The following NTNG1 variants were observed in gnomAD, a reference collection of about 807,000 sequenced individuals.
NTNG1 encodes the protein netrin-G1.
In NTNG1, 16 loss-of-function variants were observed where a neutral mutation model predicts 54.0. That is an observed-to-expected ratio of 0.30 (90% CI 0.20 to 0.45). NTNG1 has a LOEUF of 0.45. NTNG1 is among the 20% of genes least tolerant of loss of function. The pLI is 1.00. For missense variants in NTNG1, 530 were observed against 678.7 expected, an observed-to-expected ratio of 0.78 and a Z score of 2.43; for synonymous variants, 255 against 263.1, an observed-to-expected ratio of 0.97 and a Z score of 0.30.
chr1:107,469,739 C>A lies in NTNG1; in HGVS notation c.1391-10872C>A, dbSNP rs939618846. Among the ~76,000 whole-genome samples the A allele has an allele frequency of 3.3e-5, 5 of 152,302 alleles. 1 individual carries two copies. The East Asian group carries it at 9.7e-4, about 29-fold the overall frequency. Reference sequence around the variant, plus strand: ...AAAGTGCTGGGATTACAGGCGTGAGCCACCACGCCTAGCTTATTTGTTTAT... The same window carrying A: ...AAAGTGCTGGGATTACAGGCGTGAGACACCACGCCTAGCTTATTTGTTTAT... On this transcript the variant is annotated intron_variant, in intron 7 of 7. Coordinates refer to ENST00000370068, the MANE Select transcript of NTNG1 (RefSeq NM_001113226.3).
chr1:107,379,439 T>A (rs558499716), intron 3 of NTNG1, among the ~76,000 whole-genome samples: 28 of 152,264 alleles, frequency 1.8e-4, no homozygotes, highest in African/African-American at 6.7e-4. Flanking sequence ...AGTTTAAAAT[T>A]GTGTCCAAAC....
intron 2 of NTNG1, among the ~76,000 whole-genome samples, chr1:107,196,872 C>T (rs1202988155): frequency 6.6e-6 from 1 of 151,726 alleles, no homozygotes; most frequent in African/African-American, 2.4e-5. Flanking sequence ...CAAATATCAG[C>T]TCTAATGTCA....
At chr1:107,184,436 C>G (rs550176693) in intron 2 of NTNG1, among the ~76,000 whole-genome samples, 1 of 152,170 alleles carries the variant, frequency 6.6e-6, no homozygotes, top group South Asian at 2.1e-4. Context: ...AGTAAATGGC[C>G]GGTTGTTGCC....
At chr1:107,407,839 A>G in intron 5 of NTNG1, 131 bp downstream of exon 5, 1 of 833,130 alleles carries the variant, frequency 1.2e-6, no homozygotes, top group Non-Finnish European at 2.1e-6. Flanking sequence ...TGTGAATTGC[A>G]TTTTTGTGTT....
intron 3 of NTNG1, among the ~76,000 whole-genome samples, chr1:107,335,180 G>C (rs1668508672): frequency 6.6e-6 from 1 of 151,890 alleles, no homozygotes; most frequent in South Asian, 2.1e-4. Context: ...TCCCTTTCCT[G>C]GATGAAGAGA....
In NTNG1 at chr1:107,481,705, T is replaced by C. The variant is rs1269669840; in HGVS notation, c.*865T>C. ...TGTTTTGTTTCACTGTGCAGAGATT[T>C]CTCTGTAAGGGCAACGAACGTGCTG... On this transcript the variant is annotated 3_prime_UTR_variant, in exon 8 of 8. Coordinates refer to ENST00000370068, the MANE Select transcript of NTNG1 (RefSeq NM_001113226.3). 6.6e-6 allele frequency: 1 copy of C among 152,644 alleles called. No individual in the cohort carries two copies. Among genetic ancestry groups the C allele is most frequent in the Admixed American group, 6.5e-5 (1 of 15,280 alleles). 9.5% of individuals were successfully genotyped at this position (152,644 alleles called of 1,614,324 possible).
At chr1:107,217,303 C>T (rs4372288) in intron 2 of NTNG1, among the ~76,000 whole-genome samples, 130,707 of 152,110 alleles carry the variant, frequency 0.86, 57,787 homozygotes, top group East Asian at 0.99. Flanking sequence ...TTCCATTTCA[C>T]TTCTAATTGA....
intron 3 of NTNG1, among the ~76,000 whole-genome samples, chr1:107,327,359 A>G (rs964213113): frequency 1.3e-5 from 2 of 152,120 alleles, no homozygotes; most frequent in African/African-American, 4.8e-5. Flanking sequence ...GGAGCCAGTG[A>G]AAGGAAATGT....
intron 2 of NTNG1, among the ~76,000 whole-genome samples, chr1:107,162,755 T>G (rs1655503080): frequency 6.6e-6 from 1 of 152,194 alleles, no homozygotes; most frequent in Non-Finnish European, 1.5e-5. Context: ...TTTTAAAATT[T>G]TTAATACTTA....
chr1:107,467,910 C>T lies in NTNG1; in HGVS notation c.1391-12701C>T, dbSNP rs548433041. On this transcript the variant is annotated intron_variant, in intron 7 of 7. Transcript: ENST00000370068. ...CTCCTGTCATCATTTTGCACATTCT[C>T]GTGATTCCATAATGTTGTTTTCCTC... is the stretch of plus-strand genomic sequence containing the variant. Among the ~76,000 whole-genome samples, 20 of 152,298 alleles carry T rather than the reference C, an allele frequency of 1.3e-4. No individual in the cohort carries two copies. In the East Asian group the frequency reaches 3.9e-3, roughly 29 times the overall value.
At chr1:107,245,379 T>C (rs2101595798) in intron 2 of NTNG1, among the ~76,000 whole-genome samples, 1 of 152,340 alleles carries the variant, frequency 6.6e-6, no homozygotes, top group East Asian at 1.9e-4. Context: ...TAAATAGGCA[T>C]TTCCAGCTTC....
In NTNG1 at chr1:107,361,394, T is replaced by A. The variant is rs1489524324; in HGVS notation, c.888-33760T>A. ...ATATACATATATATATATATATATT[T>A]TTTTTTTTTTTTGAGACACAGTTTC... On this transcript the variant is annotated intron_variant, in intron 3 of 7. Coordinates refer to ENST00000370068, the MANE Select transcript of NTNG1 (RefSeq NM_001113226.3). Among the ~76,000 whole-genome samples the A allele has an allele frequency of 1.3e-3, 172 of 135,660 alleles. No individual in the cohort carries two copies. In the East Asian group the frequency reaches 0.014, roughly 11 times the overall value. The allele number at this position is 135,660 out of a possible 152,430, so 89.0% of individuals were successfully genotyped here.
chr1:107,151,036 G>A (rs1430253566), intron 2 of NTNG1, among the ~76,000 whole-genome samples: 1 of 152,168 alleles, frequency 6.6e-6, no homozygotes, highest in African/African-American at 2.4e-5. Context: ...GGAAGCCCTG[G>A]TGGATGTAAA....
chr1:107,288,046 A>C (rs754601059), intron 2 of NTNG1, among the ~76,000 whole-genome samples: 2 of 152,150 alleles, frequency 1.3e-5, no homozygotes, highest in Non-Finnish European at 2.9e-5. Flanking sequence ...GAGTGAGTGA[A>C]GCCTAAAGGA....
intron 2 of NTNG1, among the ~76,000 whole-genome samples, chr1:107,167,180 T>TTTGATTTGCCCCTCAG (rs1655860232): frequency 1.3e-5 from 2 of 152,184 alleles, no homozygotes; most frequent in African/African-American, 4.8e-5. Context: ...TTCTATTTTA[T>TTTGATTTGCCCCTCAG]TTGATTTGCC....
Position 107,206,392 on chromosome 1 carries a change from T to C in NTNG1, c.246+57553T>C, listed in dbSNP as rs12120168. On this transcript the variant is annotated intron_variant, in intron 2 of 7. Coordinates refer to ENST00000370068, the MANE Select transcript of NTNG1 (RefSeq NM_001113226.3). ...ATTTTATTTTCCCTATGGGTAATAA[T>C]GTTGAGCATCTTTTTACGTTTACTG... is the stretch of plus-strand genomic sequence containing the variant. Among the ~76,000 whole-genome samples, 999 of 152,274 alleles carry C rather than the reference T, an allele frequency of 6.6e-3. 7 individuals are homozygous for C. Among genetic ancestry groups the C allele is most frequent in the Middle Eastern group, 0.014 (4 of 294 alleles).
In NTNG1 at chr1:107,484,125, C is replaced by T. The variant is rs1268350299; in HGVS notation, c.*3285C>T. ...GCAAGCAACATCCTGAGTGCATATA[C>T]CTGGGCACAGGGAGTGGCAAAGGGT... On this transcript the variant is annotated 3_prime_UTR_variant, in exon 8 of 8. Coordinates refer to ENST00000370068, the MANE Select transcript of NTNG1 (RefSeq NM_001113226.3). Among the ~76,000 whole-genome samples, 1 of 152,198 alleles carries T rather than the reference C, an allele frequency of 6.6e-6. No individual in the cohort carries two copies. The highest frequency in any genetic ancestry group is 1.5e-5 in the Non-Finnish European group (1 of 68,040).
At chr1:107,404,956 G>A (rs1034804698) in intron 4 of NTNG1, among the ~76,000 whole-genome samples, 1 of 152,120 alleles carries the variant, frequency 6.6e-6, no homozygotes, top group African/African-American at 2.4e-5. Flanking sequence ...GTGGCTTTTA[G>A]ACATAGTCAC....
intron 2 of NTNG1, among the ~76,000 whole-genome samples, chr1:107,160,122 A>G (rs1655301561): frequency 6.6e-6 from 1 of 152,160 alleles, no homozygotes. Flanking sequence ...CATATAGCCA[A>G]CTGCCTACAT....
Sources: allele counts gnomAD v4.1 joint callset (sites outside exome capture counted in the v4.1 genomes callset), GRCh38; gene constraint gnomAD v4.1.1; transcripts MANE v1.5; gene names NCBI Gene and HGNC (gene_info 2026-07-23, HGNC 2026-07-21).